CRYM: variants seen among roughly 807,000 people sequenced by gnomAD.
CRYM encodes the protein crystallin mu.
Under a neutral mutation model 32.9 loss-of-function variants are expected in CRYM, and 18 were observed. The observed-to-expected ratio is 0.55, with a 90% CI of 0.38 to 0.81. The LOEUF is 0.81. Ranked by LOEUF, CRYM falls within the 30% of genes least tolerant of loss-of-function variation. The probability of loss-of-function intolerance (pLI) is 0.00; values close to 1 mark genes in which losing one functional copy is unlikely to be tolerated. For synonymous variants in CRYM, 153 were observed against 152.4 expected, an observed-to-expected ratio of 1.00 and a Z score of -0.03; for missense variants, 337 against 393.5, an observed-to-expected ratio of 0.86 and a Z score of 1.21.
At position 21,277,990 on chromosome 16, in the gene CRYM, G is replaced by T. The variant is rs2152863344; in HGVS notation, c.170+92C>A. ...GCTGTTAGCAACGGTTAGGCAAGCC[G>T]TCTCTTCCCTTCTCCCACCCCTCCT... On this transcript the variant is annotated intron_variant, in intron 1 of 7. Coordinates refer to ENST00000572914, the MANE Select transcript of CRYM (RefSeq NM_001376256.1). The surrounding 1 kb of genome is among the most constrained non-coding windows in gnomAD (Gnocchi z 4.2). 1 of 1,396,616 alleles carries T rather than the reference G, an allele frequency of 7.2e-7. No homozygotes were observed. The highest frequency in any genetic ancestry group is 2.5e-5 in the East Asian group (1 of 40,058). The allele number at this position is 1,396,616 out of a possible 1,614,324, so 86.5% of individuals were successfully genotyped here. A position where few individuals can be genotyped will look rare whatever the true frequency, so the allele number is the denominator to read the frequency against.
chr16:21,294,093 C>G (rs1386733268), intron 1 of CRYM, among the ~76,000 whole-genome samples: 1 of 152,168 alleles, frequency 6.6e-6, no homozygotes, highest in East Asian at 1.9e-4. Context: ...ACTGTCTGAA[C>G]CAATTTTGTC....
chr16:21,272,816 A>ATTTTTTTTT (rs60416570), intron 3 of CRYM, among the ~76,000 whole-genome samples: 1 of 42,292 alleles, frequency 2.4e-5, no homozygotes, highest in African/African-American at 1.0e-4. Flanking sequence ...TGCCCAGCTA[A>ATTTTTTTTT]TTTTTTTTTT....
At chr16:21,273,014 T>C (rs2093379167) in intron 3 of CRYM, among the ~76,000 whole-genome samples, 1 of 151,972 alleles carries the variant, frequency 6.6e-6, no homozygotes, top group Admixed American at 6.6e-5. Flanking sequence ...CACTGGACCC[T>C]GTACTACATG....
At chr16:21,301,796 G>C (rs1960947076) in intron 1 of CRYM, among the ~76,000 whole-genome samples, 1 of 152,208 alleles carries the variant, frequency 6.6e-6, no homozygotes, top group African/African-American at 2.4e-5. Flanking sequence ...CGGGCGGCTG[G>C]TGGTTGGGGA....
chr16:21,282,827 G>A (rs2093400472), upstream of CRYM, among the ~76,000 whole-genome samples: 1 of 152,014 alleles, frequency 6.6e-6, no homozygotes, highest in African/African-American at 2.4e-5. Context: ...CTTCTTTTGA[G>A]ACCAGAGGCA....
chr16:21,297,768 C>T (rs76666362), intron 1 of CRYM, among the ~76,000 whole-genome samples: 2,425 of 152,164 alleles, frequency 0.016, 85 homozygotes, highest in East Asian at 0.078. Context: ...GGGAGAACTT[C>T]TATAGAACAT....
intron 1 of CRYM, among the ~76,000 whole-genome samples, chr16:21,294,782 C>A (rs1448773987): frequency 6.6e-6 from 1 of 151,496 alleles, no homozygotes; most frequent in Admixed American, 6.6e-5. Flanking sequence ...GCAACCTCCA[C>A]CTCCTGGGTT....
At chr16:21,270,666 C>G (rs1245943708) in intron 3 of CRYM, among the ~76,000 whole-genome samples, 3 of 152,182 alleles carry the variant, frequency 2.0e-5, no homozygotes, top group African/African-American at 7.2e-5. Context: ...TTCTTCATAT[C>G]TCAGGTACAT....
chr16:21,259,242 G>C (rs888252565), intron 7 of CRYM, among the ~76,000 whole-genome samples: 2 of 151,904 alleles, frequency 1.3e-5, no homozygotes, highest in Admixed American at 6.6e-5. Context: ...GGGATTACAG[G>C]TGCATGCCAC....
chr16:21,291,990 G>A (rs1170087638), intron 1 of CRYM, among the ~76,000 whole-genome samples: 1 of 152,004 alleles, frequency 6.6e-6, no homozygotes, highest in Non-Finnish European at 1.5e-5. Context: ...CCAATACAGA[G>A]TCACAAAAGC....
chr16:21,301,074 C>G (rs1169876144), intron 1 of CRYM: 1 of 152,502 alleles, frequency 6.6e-6, no homozygotes, highest in Non-Finnish European at 1.5e-5. Flanking sequence ...GGGGTCTGCT[C>G]CAGGACGGAA....
chr16:21,274,145 G>A (rs1433252960), intron 3 of CRYM, among the ~76,000 whole-genome samples: 1 of 152,182 alleles, frequency 6.6e-6, no homozygotes, highest in Non-Finnish European at 1.5e-5. Flanking sequence ...TAATGTGAAA[G>A]ACTCCAGACT....
In CRYM at chr16:21,258,748, C is replaced by T; in HGVS notation, c.*33G>A. ...TATGAGAACCAGCAGCAATATTCCTCAAGCATCCATCTCAACATCAAGTTC... is the reference window on the plus strand; with the variant it reads ...TATGAGAACCAGCAGCAATATTCCTTAAGCATCCATCTCAACATCAAGTTC... On this transcript the variant is annotated 3_prime_UTR_variant, in exon 8 of 8. Coordinates refer to ENST00000572914, the MANE Select transcript of CRYM (RefSeq NM_001376256.1). The T allele has an allele frequency of 6.3e-7, 1 of 1,583,508 alleles. No homozygotes were observed. Among genetic ancestry groups the T allele is most frequent in the South Asian group, 1.1e-5 (1 of 90,450 alleles).
chr16:21,275,019 T>C (rs2093383523), intron 3 of CRYM, among the ~76,000 whole-genome samples: 1 of 152,214 alleles, frequency 6.6e-6, no homozygotes, highest in South Asian at 2.1e-4. Context: ...AGAAGCCCAG[T>C]CAATACTTGT....
chr16:21,286,662 T>TA (rs953616855), intron 1 of CRYM, among the ~76,000 whole-genome samples: 6 of 152,202 alleles, frequency 3.9e-5, no homozygotes, highest in African/African-American at 1.4e-4. Flanking sequence ...CATACTTTAA[T>TA]AACACTTTTA....
chr16:21,296,367 T>C (rs1210532957), intron 1 of CRYM, among the ~76,000 whole-genome samples: 2 of 152,126 alleles, frequency 1.3e-5, no homozygotes, highest in East Asian at 3.8e-4. Context: ...AGATGAGAAC[T>C]TGTCAGGGAG....
intron 1 of CRYM, among the ~76,000 whole-genome samples, chr16:21,299,404 G>A (rs969447560): frequency 2.6e-5 from 4 of 151,988 alleles, no homozygotes; most frequent in Non-Finnish European, 2.9e-5. Flanking sequence ...TGCTTCTTGG[G>A]TTGAAGCGAT....
intron 1 of CRYM, among the ~76,000 whole-genome samples, chr16:21,285,889 A>G (rs1260806045): frequency 1.3e-5 from 2 of 152,250 alleles, no homozygotes; most frequent in African/African-American, 2.4e-5. Flanking sequence ...TGTTTCAAGC[A>G]AAAAAGTTAT....
At chr16:21,274,236 G>A (rs1034984100) in intron 3 of CRYM, among the ~76,000 whole-genome samples, 2 of 152,110 alleles carry the variant, frequency 1.3e-5, no homozygotes, top group South Asian at 4.1e-4. Context: ...TTTCTTATAG[G>A]ATGCCTTGAC....
Sources: gnomAD v4.1 joint callset for allele counts (sites outside exome capture counted in the v4.1 genomes callset) on GRCh38, gnomAD v4.1.1 for gene constraint, Gnocchi (gnomAD v3.1) non-coding constraint, MANE v1.5 for transcripts, NCBI Gene and HGNC (gene_info 2026-07-23, HGNC 2026-07-21) for gene names.